The following FREM1 variants were observed in gnomAD, a reference collection of about 807,000 sequenced individuals.
FREM1 encodes FRAS1-related extracellular matrix protein 1.
A neutral mutation model predicts 210.1 loss-of-function variants in FREM1; 220 were observed. That is an observed-to-expected ratio of 1.05 (90% CI 0.94 to 1.17). The LOEUF (loss-of-function observed/expected upper bound fraction) is 1.17. Ranked by LOEUF, FREM1 falls within the 50% of genes most tolerant of loss-of-function variation. The pLI is 0.00. For missense variants in FREM1, 3,454 were observed against 2,675.5 expected (o/e 1.29, Z -6.42); for synonymous variants, 1,189 against 980.2 (o/e 1.21, Z -3.98).
intron 1 of FREM1, among the ~76,000 whole-genome samples, chr9:14,876,658 C>T (rs772793123): frequency 3.9e-5 from 6 of 152,280 alleles, no homozygotes; most frequent in Middle Eastern, 3.4e-3. Flanking sequence ...CACCCTGCTT[C>T]GGCTCAAGCA....
chr9:14,865,123 A>C (rs747631695), intron 2 of FREM1, among the ~76,000 whole-genome samples: 21 of 152,192 alleles, frequency 1.4e-4, no homozygotes, highest in Non-Finnish European at 2.9e-4. Context: ...CTGCTTTTCA[A>C]TTACAATTTA....
chr9:14,890,811 C>G (rs976961077), intron 1 of FREM1, among the ~76,000 whole-genome samples: 11 of 152,152 alleles, frequency 7.2e-5, no homozygotes, highest in African/African-American at 2.2e-4. Flanking sequence ...AAATGTGTGC[C>G]CTCAACTTAC....
chr9:14,843,082 G>A (rs1825964462), intron 8 of FREM1, among the ~76,000 whole-genome samples: 1 of 152,172 alleles, frequency 6.6e-6, no homozygotes, highest in South Asian at 2.1e-4. Flanking sequence ...ATTGTGGGCA[G>A]GCATCATCCA....
intron 19 of FREM1, among the ~76,000 whole-genome samples, chr9:14,804,540 G>A (rs112229860): frequency 0.028 from 4,268 of 152,222 alleles, 83 homozygotes; most frequent in Non-Finnish European, 0.045. Flanking sequence ...AGCCGAGGTC[G>A]CGCCACTGCA....
chr9:14,824,709 T>G, intron 11 of FREM1, 87 bp downstream of exon 11: 1 of 891,524 alleles, frequency 1.1e-6, no homozygotes, highest in South Asian at 1.5e-5. Context: ...TAAACCACAG[T>G]ACTATATATA....
At position 14,851,420 on chromosome 9, in the gene FREM1, G is replaced by C. The variant is rs112925329; in HGVS notation, c.1016C>G (p.Ala339Gly). The C allele has an allele frequency of 1.3e-4, 204 of 1,613,948 alleles. No homozygotes were observed. The highest frequency in any genetic ancestry group is 7.6e-4 in the African/African-American group (57 of 75,026). ...GTGAGTCACATAGCCCTGGAGCGGG[G>C]CTTTAGTAATGTTGAACACCAGCAA... Reference protein sequence around the residue: ...KPLLVFNITKAPLQGYVTHLL... With the variant: ...KPLLVFNITKGPLQGYVTHLL... Residue 339 changes from alanine to glycine, a missense_variant, in exon 6 of 37, where the codon GCC becomes GGC. Physicochemically the swap from Ala to Gly is moderately conservative, Grantham distance 60. Transcript: ENST00000380880.
At chr9:14,804,542 G>A (rs1057333886) in intron 19 of FREM1, among the ~76,000 whole-genome samples, 128 of 152,206 alleles carry the variant, frequency 8.4e-4, no homozygotes, top group African/African-American at 3.0e-3. Flanking sequence ...CCGAGGTCGC[G>A]CCACTGCACT....
intron 10 of FREM1, among the ~76,000 whole-genome samples, chr9:14,828,227 C>G (rs1304612698): frequency 6.6e-6 from 1 of 152,216 alleles, no homozygotes; most frequent in Admixed American, 6.5e-5. Context: ...TGCCTGGGGC[C>G]TTGGGGGCCC....
At chr9:14,907,557 T>C (rs1817987068) in intron 1 of FREM1, among the ~76,000 whole-genome samples, 1 of 152,222 alleles carries the variant, frequency 6.6e-6, no homozygotes, top group Admixed American at 6.5e-5. Context: ...GATAAGAGGC[T>C]GCCCTCCTAT....
chr9:14,790,365 C>A (rs1494348), intron 22 of FREM1, among the ~76,000 whole-genome samples: 1 of 151,902 alleles, frequency 6.6e-6, no homozygotes, highest in African/African-American at 2.4e-5. Context: ...TCTGCCCTCA[C>A]GCTCACTGGA....
chr9:14,883,450 C>T lies in FREM1; in HGVS notation c.-267-14206G>A, dbSNP rs554870978. 1.2e-4 allele frequency among the ~76,000 whole-genome samples: 18 copies of T among 152,144 alleles called. No homozygotes were observed. The South Asian group carries it at 3.1e-3, about 26-fold the overall frequency. On this transcript the variant is annotated intron_variant, in intron 1 of 36. Coordinates refer to ENST00000380880, the MANE Select transcript of FREM1 (RefSeq NM_001379081.2). ...TTTTTCTCTTGGTGTTGGGAAACAC[C>T]AAGTATGTGGACATTCCATGGAAAA... is the stretch of plus-strand genomic sequence containing the variant.
At chr9:14,861,799 G>A (rs925849622) in intron 3 of FREM1, among the ~76,000 whole-genome samples, 12 of 152,074 alleles carry the variant, frequency 7.9e-5, no homozygotes, top group African/African-American at 1.9e-4. Context: ...GAGCCACTGC[G>A]CCTGGCCCTC....
At chr9:14,760,021 C>G in intron 27 of FREM1, 120 bp from the exon 28 acceptor site, 1 of 634,620 alleles carries the variant, frequency 1.6e-6, no homozygotes. Context: ...ATGGAAATTC[C>G]TTAAGACTTA....
At chr9:14,807,393 G>C (rs997124893) in intron 17 of FREM1, among the ~76,000 whole-genome samples, 3 of 151,986 alleles carry the variant, frequency 2.0e-5, no homozygotes, top group African/African-American at 4.8e-5. Context: ...CTGCTTGGGA[G>C]GTAGTTTGCA....
chr9:14,878,199 G>A (rs1834124915), intron 1 of FREM1, among the ~76,000 whole-genome samples: 1 of 152,176 alleles, frequency 6.6e-6, no homozygotes, highest in Non-Finnish European at 1.5e-5. Flanking sequence ...TGATCTAGAA[G>A]ACAGTATGTG....
intron 3 of FREM1, among the ~76,000 whole-genome samples, chr9:14,861,096 TAA>T (rs199634330): frequency 0.027 from 2,511 of 94,296 alleles, 352 homozygotes; most frequent in African/African-American, 0.13. Context: ...CACATATATA[TAA>T]ACATATATAC....
At chr9:14,906,179 A>G (rs979317071) in intron 1 of FREM1, among the ~76,000 whole-genome samples, 2 of 152,222 alleles carry the variant, frequency 1.3e-5, no homozygotes, top group African/African-American at 2.4e-5. Flanking sequence ...GTAAGTATCA[A>G]TGACCTCATT....
intron 35 of FREM1, among the ~76,000 whole-genome samples, chr9:14,741,600 G>C (rs1280517220): frequency 6.6e-6 from 1 of 152,160 alleles, no homozygotes; most frequent in East Asian, 1.9e-4. Flanking sequence ...AGCGCTGTAG[G>C]CTTAGAACAC....
At chr9:14,740,897 G>T (rs971012587) in intron 35 of FREM1, among the ~76,000 whole-genome samples, 2 of 151,968 alleles carry the variant, frequency 1.3e-5, no homozygotes, top group Non-Finnish European at 2.9e-5. Flanking sequence ...ATATTTGATT[G>T]TGCCTAATTC....
Sources: allele counts gnomAD v4.1 joint callset (sites outside exome capture counted in the v4.1 genomes callset), GRCh38; gene constraint gnomAD v4.1.1; transcripts MANE v1.5; gene names NCBI Gene and HGNC (gene_info 2026-07-23, HGNC 2026-07-21).